TSGA10: variants seen among roughly 807,000 people sequenced by gnomAD.
The protein encoded by TSGA10 is testis-specific gene 10 protein.
In TSGA10, 43 loss-of-function variants were observed where a neutral mutation model predicts 96.6. The ratio of observed to expected loss-of-function variants is 0.44; its 90% CI spans 0.35 to 0.57. The LOEUF is 0.57. Among genes scored for constraint, TSGA10 ranks in the 20% least tolerant of loss-of-function variants. The pLI is 0.01. For synonymous variants in TSGA10, 229 were observed against 269.9 expected, an observed-to-expected ratio of 0.85 and a Z score of 1.48; for missense variants, 703 against 834.4, an observed-to-expected ratio of 0.84 and a Z score of 1.94.
At chr2:99,100,154 C>A (rs2090525026) in intron 10 of TSGA10, among the ~76,000 whole-genome samples, 1 of 152,034 alleles carries the variant, frequency 6.6e-6, no homozygotes, top group African/African-American at 2.4e-5. Flanking sequence ...TAGTGTTTTT[C>A]TTTTTTGGGG....
At chr2:99,093,734 T>C (rs1376187193) in intron 10 of TSGA10, among the ~76,000 whole-genome samples, 1 of 151,748 alleles carries the variant, frequency 6.6e-6, no homozygotes, top group Non-Finnish European at 1.5e-5. Flanking sequence ...TATAAAACAC[T>C]GCTGAAAGAC....
chr2:99,082,732 G>A (rs1162035419), intron 10 of TSGA10, among the ~76,000 whole-genome samples: 1 of 151,908 alleles, frequency 6.6e-6, no homozygotes, highest in Non-Finnish European at 1.5e-5. Flanking sequence ...AACCTTAGTG[G>A]GAGTCAAAAG....
At chr2:99,085,734 G>C (rs1356791770) in intron 10 of TSGA10, among the ~76,000 whole-genome samples, 1 of 145,876 alleles carries the variant, frequency 6.9e-6, no homozygotes, top group Non-Finnish European at 1.5e-5. Flanking sequence ...ACAAATAACA[G>C]TTATAAGAAA....
In TSGA10 at chr2:99,094,082, C is replaced by T. The variant is rs530454430; in HGVS notation, c.611+9885G>A. Among the ~76,000 whole-genome samples the T allele has an allele frequency of 1.2e-4, 19 of 152,188 alleles. No individual in the cohort carries two copies. In the South Asian group the frequency reaches 3.7e-3, roughly 30 times the overall value. On this transcript the variant is annotated intron_variant, in intron 10 of 20. Coordinates refer to ENST00000393483, the MANE Select transcript of TSGA10 (RefSeq NM_025244.4). The stretch of plus-strand genomic sequence containing the variant: ...TTAGACGAATGCAACAGAATAAGAA[C>T]GCAGAAATAAGGCCAAATGCTTAAA...
intron 1 of TSGA10, chr2:99,141,187 C>T (rs1388605631): frequency 8.2e-7 from 1 of 1,215,444 alleles, no homozygotes. Context: ...CAAGAACCGC[C>T]CACTCTCCAT....
At chr2:99,037,647 G>A (rs1188091068) in intron 16 of TSGA10, among the ~76,000 whole-genome samples, 1 of 151,946 alleles carries the variant, frequency 6.6e-6, no homozygotes, top group Non-Finnish European at 1.5e-5. Flanking sequence ...CCAGGAGTTC[G>A]AGACCAGCCT....
At chr2:99,013,881 A>G (rs927101733) in intron 20 of TSGA10, among the ~76,000 whole-genome samples, 1 of 151,430 alleles carries the variant, frequency 6.6e-6, no homozygotes, top group Non-Finnish European at 1.5e-5. Context: ...GGCTGGGCGC[A>G]GTGCCTCATG....
intron 4 of TSGA10, among the ~76,000 whole-genome samples, chr2:99,113,783 G>A (rs2092014527): frequency 6.6e-6 from 1 of 152,114 alleles, no homozygotes; most frequent in Non-Finnish European, 1.5e-5. Flanking sequence ...CTGACCTGAA[G>A]TGATCTGCCT....
intron 17 of TSGA10, among the ~76,000 whole-genome samples, chr2:99,032,543 T>C (rs1480450004): frequency 6.6e-6 from 1 of 152,126 alleles, no homozygotes; most frequent in Non-Finnish European, 1.5e-5. Flanking sequence ...AGACAAGACT[T>C]TGGAGTTTCT....
At chr2:99,143,384 C>T (rs1039457766) in intron 1 of TSGA10, among the ~76,000 whole-genome samples, 1 of 151,634 alleles carries the variant, frequency 6.6e-6, no homozygotes, top group Non-Finnish European at 1.5e-5. Context: ...TGGTCTTGAT[C>T]TCCTGACCTC....
chr2:99,030,075 G>A (rs12464710), intron 17 of TSGA10, among the ~76,000 whole-genome samples: 53,389 of 152,100 alleles, frequency 0.35, 10,711 homozygotes, highest in African/African-American at 0.55. Flanking sequence ...GGCTGGGCAC[G>A]GTGGCTCATG....
At position 99,020,276 on chromosome 2, in the gene TSGA10, TCA is replaced by T; in HGVS notation, c.1817+2_1817+3del. ...ACTTTACTTTATATTGCTAAACAAC[TCA>T]CATTTTATTTTCTGCCAAACAAAGG... On this transcript the variant is annotated splice_donor_variant and splice_donor_region_variant and intron_variant, in intron 18 of 20. Transcript: ENST00000393483. LOFTEE classifies it high-confidence loss of function. 1 of 1,611,714 alleles carries T rather than the reference TCA, an allele frequency of 6.2e-7. No individual in the cohort carries two copies. The highest frequency in any genetic ancestry group is 1.3e-5 in the African/African-American group (1 of 74,996).
At chr2:99,018,145 C>G (rs930748315) in intron 20 of TSGA10, 55 bp downstream of exon 20, 1 of 1,584,844 alleles carries the variant, frequency 6.3e-7, no homozygotes, top group Non-Finnish European at 8.6e-7. Context: ...CAAATGTTCA[C>G]TATACTAGAT....
At chr2:99,129,397 A>C (rs4851187) in intron 1 of TSGA10, among the ~76,000 whole-genome samples, 88,254 of 152,078 alleles carry the variant, frequency 0.58, 26,487 homozygotes, top group East Asian at 0.88. Flanking sequence ...GTGATAAAGC[A>C]TACAAAATTA....
chr2:99,140,738 T>C (rs903948211), intron 1 of TSGA10, among the ~76,000 whole-genome samples: 1 of 152,114 alleles, frequency 6.6e-6, no homozygotes, highest in Non-Finnish European at 1.5e-5. Flanking sequence ...CTCCCAAATC[T>C]GTGACTTCCA....
intron 11 of TSGA10, 153 bp from the exon 12 acceptor site, chr2:99,078,966 T>A (rs965085882): frequency 7.8e-5 from 45 of 578,120 alleles, no homozygotes; most frequent in Middle Eastern, 4.9e-4. Flanking sequence ...ATTAAAAAAA[T>A]TTTTTTGGTT....
In TSGA10 at chr2:99,110,924, A is replaced by C. The variant is rs2091749003; in HGVS notation, c.-139-9T>G. On this transcript the variant is annotated splice_polypyrimidine_tract_variant and intron_variant, in intron 4 of 20. Transcript: ENST00000393483. ...TGGCAAATGAGATCAATCTGAAGAA[A>C]AAGTAAAAAAAAAAAAAATTATTTC... 1.4e-6 allele frequency: 1 copy of C among 714,884 alleles called. No individual in the cohort carries two copies. The highest frequency in any genetic ancestry group is 2.1e-5 in the African/African-American group (1 of 48,050). 44.3% of individuals were successfully genotyped at this position (714,884 alleles called of 1,614,324 possible).
At chr2:99,033,745 CAGG>C (rs1204593561) in intron 17 of TSGA10, among the ~76,000 whole-genome samples, 4 of 152,084 alleles carry the variant, frequency 2.6e-5, no homozygotes, top group Admixed American at 2.0e-4. Context: ...GAGGCTGAGG[CAGG>C]AGAATTGTTT....
chr2:99,090,536 T>C (rs1464186848), intron 10 of TSGA10, among the ~76,000 whole-genome samples: 1 of 151,780 alleles, frequency 6.6e-6, no homozygotes, highest in Admixed American at 6.6e-5. Context: ...TGATACAAGA[T>C]ATGAGGGAAG....
Sources: gnomAD v4.1 joint callset for allele counts (sites outside exome capture counted in the v4.1 genomes callset) on GRCh38, gnomAD v4.1.1 for gene constraint, MANE v1.5 for transcripts, NCBI Gene and HGNC (gene_info 2026-07-23, HGNC 2026-07-21) for gene names.